ARHGAP15: variants seen among roughly 807,000 people sequenced by gnomAD.
ARHGAP15 encodes the protein rho GTPase-activating protein 15.
ARHGAP15 carries 51 observed loss-of-function variants against 63.7 expected under a neutral mutation model. The observed-to-expected ratio is 0.80, with a 90% CI of 0.64 to 1.01. ARHGAP15 has a LOEUF of 1.01. Among genes scored for constraint, ARHGAP15 ranks in the 50% least tolerant of loss-of-function variants. ARHGAP15 has a pLI of 0.00. For missense variants in ARHGAP15, 560 were observed against 564.6 expected (o/e 0.99, Z 0.08); for synonymous variants, 191 against 193.8 (o/e 0.99, Z 0.12).
At chr2:143,509,498 C>T (rs1693482596) in intron 9 of ARHGAP15, among the ~76,000 whole-genome samples, 1 of 152,180 alleles carries the variant, frequency 6.6e-6, no homozygotes, top group Non-Finnish European at 1.5e-5. Flanking sequence ...CGCAGTACCT[C>T]CTGAAGCACT....
intron 13 of ARHGAP15, among the ~76,000 whole-genome samples, chr2:143,746,472 G>T (rs1287217976): frequency 6.6e-6 from 1 of 152,174 alleles, no homozygotes; most frequent in African/African-American, 2.4e-5. Flanking sequence ...TGACAGCGTT[G>T]TTCTGACTGC....
chr2:143,568,735 T>C (rs1209451667), intron 11 of ARHGAP15, among the ~76,000 whole-genome samples: 2 of 152,212 alleles, frequency 1.3e-5, no homozygotes, highest in African/African-American at 4.8e-5. Context: ...GCAGCACTAT[T>C]CACAATAGCA....
At chr2:143,328,506 C>T (rs1684357386) in intron 6 of ARHGAP15, among the ~76,000 whole-genome samples, 1 of 152,082 alleles carries the variant, frequency 6.6e-6, no homozygotes, top group South Asian at 2.1e-4. Flanking sequence ...CCAAACACTG[C>T]ATGTTCTCAT....
At chr2:143,608,084 A>G (rs1559078274) in intron 11 of ARHGAP15, 1 of 152,172 alleles carries the variant, frequency 6.6e-6, no homozygotes, top group Non-Finnish European at 1.5e-5. Flanking sequence ...AGCAGCTGCA[A>G]TATGAAGGGC....
chr2:143,731,595 T>C (rs1478870380), intron 13 of ARHGAP15, among the ~76,000 whole-genome samples: 1 of 152,214 alleles, frequency 6.6e-6, no homozygotes, highest in Non-Finnish European at 1.5e-5. Context: ...CCTGCTCTTT[T>C]AGATCTGCTA....
intron 6 of ARHGAP15, among the ~76,000 whole-genome samples, chr2:143,385,316 A>T (rs1305262285): frequency 6.6e-6 from 1 of 152,210 alleles, no homozygotes; most frequent in Non-Finnish European, 1.5e-5. Flanking sequence ...AACTAAAAAA[A>T]GGTCAACCGA....
intron 10 of ARHGAP15, among the ~76,000 whole-genome samples, chr2:143,537,222 GTTGT>G (rs1044779762): frequency 2.6e-5 from 4 of 151,810 alleles, no homozygotes; most frequent in African/African-American, 7.2e-5. Context: ...TTTTGACGAG[GTTGT>G]TTGTTTTTTT....
chr2:143,675,699 C>T (rs1054235538), intron 12 of ARHGAP15, among the ~76,000 whole-genome samples: 1 of 152,248 alleles, frequency 6.6e-6, no homozygotes, highest in South Asian at 2.1e-4. Flanking sequence ...AACCATGCTA[C>T]GAACAGATAT....
At chr2:143,467,348 T>C (rs1389133145) in intron 8 of ARHGAP15, among the ~76,000 whole-genome samples, 1 of 149,752 alleles carries the variant, frequency 6.7e-6, no homozygotes, top group Non-Finnish European at 1.5e-5. Context: ...AAAAAGTTAG[T>C]AGTTACATAT....
chr2:143,669,252 G>A (rs1682391520), intron 12 of ARHGAP15, among the ~76,000 whole-genome samples: 1 of 152,100 alleles, frequency 6.6e-6, no homozygotes, highest in African/African-American at 2.4e-5. Flanking sequence ...CAGTAGAAAG[G>A]CTTGTGTTCA....
chr2:143,486,979 G>A (rs1366542688), intron 8 of ARHGAP15, among the ~76,000 whole-genome samples: 1 of 152,158 alleles, frequency 6.6e-6, no homozygotes, highest in African/African-American at 2.4e-5. Flanking sequence ...ATTAGCTAGG[G>A]ATGGTATATA....
At chr2:143,259,342 C>T (rs16858934) in intron 6 of ARHGAP15, among the ~76,000 whole-genome samples, 6,587 of 152,052 alleles carry the variant, frequency 0.043, 458 homozygotes, top group African/African-American at 0.15. Context: ...GAAATTCAAC[C>T]TCAATTTAAT....
intron 11 of ARHGAP15, among the ~76,000 whole-genome samples, chr2:143,621,560 A>T (rs1276647916): frequency 6.6e-6 from 1 of 152,214 alleles, no homozygotes; most frequent in African/African-American, 2.4e-5. Context: ...TATATTTCAA[A>T]ATACTCTTTC....
intron 11 of ARHGAP15, among the ~76,000 whole-genome samples, chr2:143,565,134 G>A (rs963630146): frequency 3.4e-4 from 51 of 152,186 alleles, no homozygotes; most frequent in Non-Finnish European, 6.0e-4. Flanking sequence ...GAAGGCAGGA[G>A]GTGAATCTAT....
In ARHGAP15 at chr2:143,318,391, C is replaced by T. The variant is rs190186753; in HGVS notation, c.474+67791C>T. ...TCCTTCCAGTGATTATGGATATTAT[C>T]ATTTCCTGTTGATTTAAGGCTCAAA... On this transcript the variant is annotated intron_variant, in intron 6 of 13. Transcript: ENST00000295095. 2.3e-3 allele frequency among the ~76,000 whole-genome samples: 342 copies of T among 151,650 alleles called. 3 individuals are homozygous for T. The highest frequency in any genetic ancestry group is 2.6e-3 in the Non-Finnish European group (174 of 67,898).
At chr2:143,479,354 CTT>C in intron 8 of ARHGAP15, among the ~76,000 whole-genome samples, 1 of 147,506 alleles carries the variant, frequency 6.8e-6, no homozygotes, top group East Asian at 2.0e-4. Flanking sequence ...TTTTTTTTCT[CTT>C]TTATGGACTG....
At chr2:143,228,415 A>T (rs1693302320) in intron 4 of ARHGAP15, among the ~76,000 whole-genome samples, 166 bp from the exon 5 acceptor site, 1 of 152,150 alleles carries the variant, frequency 6.6e-6, no homozygotes, top group Non-Finnish European at 1.5e-5. Context: ...CTTTATTATT[A>T]CCCAAATTCC....
intron 5 of ARHGAP15, among the ~76,000 whole-genome samples, chr2:143,246,450 G>T (rs1461928716): frequency 1.3e-5 from 2 of 151,932 alleles, no homozygotes; most frequent in African/African-American, 4.8e-5. Flanking sequence ...ACTCATAAGG[G>T]TTGAAGCTTT....
At chr2:143,659,877 T>C (rs780249424) in intron 12 of ARHGAP15, among the ~76,000 whole-genome samples, 2 of 149,318 alleles carry the variant, frequency 1.3e-5, no homozygotes, top group Admixed American at 6.7e-5. Flanking sequence ...TAGTCAATGC[T>C]TTTTATCTTG....
Sources: allele counts gnomAD v4.1 joint callset (sites outside exome capture counted in the v4.1 genomes callset), GRCh38; gene constraint gnomAD v4.1.1; transcripts MANE v1.5; gene names NCBI Gene and HGNC (gene_info 2026-07-23, HGNC 2026-07-21).